The following MOB1B variants were observed in gnomAD, a reference collection of about 807,000 sequenced individuals.
The protein encoded by MOB1B is MOB1 Mps One Binder homolog B.
A neutral mutation model predicts 24.4 loss-of-function variants in MOB1B; 19 were observed. The ratio of observed to expected loss-of-function variants is 0.78; its 90% confidence interval spans 0.54 to 1.14. The LOEUF is 1.14. MOB1B is among the 50% of genes most tolerant of loss of function. The pLI is 0.00. For synonymous variants in MOB1B, 76 were observed against 82.1 expected (o/e 0.93, Z 0.40); for missense variants, 243 against 259.6 (o/e 0.94, Z 0.44).
intron 4 of MOB1B, among the ~76,000 whole-genome samples, chr4:70,977,435 T>G (rs1485989449): frequency 6.6e-6 from 1 of 152,204 alleles, no homozygotes; most frequent in African/African-American, 2.4e-5. Flanking sequence ...GTACCAATAT[T>G]GGCTGTTTTA....
intron 2 of MOB1B, among the ~76,000 whole-genome samples, chr4:70,960,162 G>A (rs1463840556): frequency 2.0e-5 from 3 of 152,102 alleles, no homozygotes; most frequent in African/African-American, 2.4e-5. Flanking sequence ...GATTACAGGT[G>A]TGAGCTACCA....
chr4:70,964,804 G>A (rs1738445503), intron 2 of MOB1B, among the ~76,000 whole-genome samples: 1 of 151,684 alleles, frequency 6.6e-6, no homozygotes, highest in South Asian at 2.1e-4. Context: ...GTTGGGGCAT[G>A]CCTGTATCCC....
In MOB1B at chr4:70,982,915, A is replaced by G. The variant is rs1191074054; in HGVS notation, c.*858A>G. The G allele has an allele frequency of 6.6e-6, 1 of 152,580 alleles. No individual in the cohort carries two copies. The highest frequency in any genetic ancestry group is 2.4e-5 in the African/African-American group (1 of 41,444). The allele number at this position is 152,580 out of a possible 1,614,324, so 9.5% of individuals were successfully genotyped here. On this transcript the variant is annotated 3_prime_UTR_variant, in exon 6 of 6. Coordinates refer to ENST00000309395, the MANE Select transcript of MOB1B (RefSeq NM_173468.4). ...GCCAAATGAGCCGTAAGTCTGCAGAATTCCCTTCTACTTTGAAGAGAAGGG... is the reference window on the plus strand; with the variant it reads ...GCCAAATGAGCCGTAAGTCTGCAGAGTTCCCTTCTACTTTGAAGAGAAGGG...
Position 70,981,158 on chromosome 4 carries a change from G to A in MOB1B, c.574-822G>A, listed in dbSNP as rs1483066281. Among the ~76,000 whole-genome samples the A allele has an allele frequency of 2.6e-5, 4 of 152,248 alleles. No homozygotes were observed. The East Asian group carries it at 5.8e-4, about 22-fold the overall frequency. On this transcript the variant is annotated intron_variant, in intron 5 of 5. Coordinates refer to ENST00000309395, the MANE Select transcript of MOB1B (RefSeq NM_173468.4). ...AGTCATATGATATATACCCATTTGT[G>A]TTTTTGGCCCAGACTCTACAAATCT...
intron 1 of MOB1B, 83 bp downstream of exon 1, chr4:70,902,633 C>T (rs909831617): frequency 8.9e-6 from 12 of 1,342,276 alleles, no homozygotes; most frequent in South Asian, 1.4e-5. Context: ...GTCGCCCGCC[C>T]TCGTCCCGAC....
chr4:70,946,525 T>G (rs1321963120), intron 1 of MOB1B, among the ~76,000 whole-genome samples: 1 of 152,164 alleles, frequency 6.6e-6, no homozygotes, highest in Non-Finnish European at 1.5e-5. Flanking sequence ...CTTCATGGGT[T>G]AGTATGGCAA....
intron 1 of MOB1B, among the ~76,000 whole-genome samples, chr4:70,946,699 A>G (rs915329568): frequency 3.9e-5 from 6 of 152,182 alleles, no homozygotes; most frequent in African/African-American, 1.4e-4. Context: ...TATTTTGCCA[A>G]GGTTGAGGAT....
In MOB1B at chr4:70,984,098, C is replaced by G. The variant is rs937011499; in HGVS notation, c.*2041C>G. 6.6e-6 allele frequency: 1 copy of G among 152,496 alleles called. No homozygotes were observed. The highest frequency in any genetic ancestry group is 1.5e-5 in the Non-Finnish European group (1 of 67,958). 9.4% of individuals were successfully genotyped at this position (152,496 alleles called of 1,614,324 possible). ...ATAGAGAGAATAGTGAAAAATTAAT[C>G]TTGCCCTTTCAAGCCTTATACAGTA... On this transcript the variant is annotated 3_prime_UTR_variant, in exon 6 of 6. Transcript: ENST00000309395.
chr4:70,949,382 G>A (rs1266297962), intron 1 of MOB1B, among the ~76,000 whole-genome samples: 1 of 152,154 alleles, frequency 6.6e-6, no homozygotes, highest in Non-Finnish European at 1.5e-5. Flanking sequence ...AATACTCATA[G>A]CTTTTAGCCT....
chr4:70,924,956 C>T (rs1241449412), intron 1 of MOB1B, among the ~76,000 whole-genome samples: 1 of 152,168 alleles, frequency 6.6e-6, no homozygotes, highest in Non-Finnish European at 1.5e-5. Context: ...TAGTTAGAAC[C>T]AAACTATACA....
Position 70,975,041 on chromosome 4 carries a change from A to G in MOB1B, c.276-112A>G, listed in dbSNP as rs565521876. On this transcript the variant is annotated intron_variant, in intron 3 of 5. Transcript: ENST00000309395. ...AAAATGTATCTTTATTTGGAGGAGC[A>G]GAGTGTTGAAAACATGTCTGTGTGT... 2.3e-5 allele frequency: 17 copies of G among 736,020 alleles called. No homozygotes were observed. The African/African-American group carries it at 2.7e-4, about 12-fold the overall frequency. The allele number at this position is 736,020 out of a possible 1,614,324, so 45.6% of individuals were successfully genotyped here.
chr4:70,908,700 G>A (rs577951181), intron 1 of MOB1B, among the ~76,000 whole-genome samples: 3 of 151,076 alleles, frequency 2.0e-5, no homozygotes, highest in Admixed American at 6.6e-5. Flanking sequence ...GCTTGAACCC[G>A]TGAGGTGGAG....
intron 1 of MOB1B, among the ~76,000 whole-genome samples, chr4:70,926,212 T>A (rs1736647398): frequency 6.6e-6 from 1 of 151,992 alleles, no homozygotes. Context: ...CTTGAACTCC[T>A]GGGCTCAAGC....
intron 1 of MOB1B, among the ~76,000 whole-genome samples, chr4:70,957,781 G>GTTTT: frequency 6.7e-6 from 1 of 149,642 alleles, no homozygotes; most frequent in African/African-American, 2.5e-5. Flanking sequence ...TCAAGAGATG[G>GTTTT]GGGTCTTGCT....
intron 1 of MOB1B, among the ~76,000 whole-genome samples, chr4:70,919,690 G>T (rs902468762): frequency 6.6e-6 from 1 of 152,160 alleles, no homozygotes; most frequent in African/African-American, 2.4e-5. Flanking sequence ...GTAGAGACAG[G>T]GTTTCCCCAT....
chr4:70,971,664 G>A (rs965763433), intron 3 of MOB1B, among the ~76,000 whole-genome samples: 28 of 152,130 alleles, frequency 1.8e-4, no homozygotes, highest in African/African-American at 6.5e-4. Flanking sequence ...ATTAATTCTT[G>A]CCAGTATTAC....
At chr4:70,963,844 A>G (rs1738411045) in intron 2 of MOB1B, among the ~76,000 whole-genome samples, 1 of 151,848 alleles carries the variant, frequency 6.6e-6, no homozygotes, top group East Asian at 1.9e-4. Flanking sequence ...ACAAAACAAA[A>G]AAAACCCCAA....
rs79235445 is a variant in MOB1B, at chr4:70,906,387, A to G, written c.14+3837A>G. On this transcript the variant is annotated intron_variant, in intron 1 of 5. Transcript: ENST00000309395. ...GTGAGACCGTCTCAAAAAAAGAAAA[A>G]AAATCACTGTGCCTGGCACTGATGT... 1.4e-3 allele frequency among the ~76,000 whole-genome samples: 217 copies of G among 152,300 alleles called. 8 individuals are homozygous for G. In the East Asian group the frequency reaches 0.038, roughly 27 times the overall value.
chr4:70,966,535 C>G (rs559402309), intron 2 of MOB1B, among the ~76,000 whole-genome samples: 1 of 151,428 alleles, frequency 6.6e-6, no homozygotes, highest in African/African-American at 2.4e-5. Context: ...CCACTGTGCC[C>G]GGCTAATTTT....
Sources: gnomAD v4.1 joint callset for allele counts (sites outside exome capture counted in the v4.1 genomes callset) on GRCh38, gnomAD v4.1.1 for gene constraint, MANE v1.5 for transcripts, NCBI Gene and HGNC (gene_info 2026-07-23, HGNC 2026-07-21) for gene names.